The following ZNF831 variants were observed in gnomAD, a reference collection of about 807,000 sequenced individuals.
The protein encoded by ZNF831 is zinc finger protein 831.
A neutral mutation model predicts 95.8 loss-of-function variants in ZNF831; 59 were observed. The observed-to-expected ratio is 0.62, with a 90% CI of 0.50 to 0.77. The LOEUF is 0.77. Among genes scored for constraint, ZNF831 ranks in the 30% least tolerant of loss-of-function variants. The pLI, the probability that ZNF831 is intolerant of heterozygous loss-of-function variation, is 0.00. For missense variants in ZNF831, 2,205 were observed against 2,164.0 expected (o/e 1.02, Z -0.38); for synonymous variants, 961 against 925.5 (o/e 1.04, Z -0.70).
rs571344649 is a variant in ZNF831, at chr20:59,150,182, T to G, written c.-1281+3808T>G. ...TTAGGAAACACATGTTCTCTCTCTC[T>G]CCTTCCCTCCCTCTCTCCTCTCAGC... On this transcript the variant is annotated intron_variant, in intron 2 of 7. Transcript: ENST00000637017. 2.6e-5 allele frequency among the ~76,000 whole-genome samples: 4 copies of G among 152,316 alleles called. No homozygotes were observed. The South Asian group carries it at 8.3e-4, about 32-fold the overall frequency.
intron 2 of ZNF831, 59 bp downstream of exon 2, chr20:59,194,816 G>C (rs2146605293): frequency 6.7e-7 from 1 of 1,486,580 alleles, no homozygotes; most frequent in Non-Finnish European, 8.9e-7. Context: ...TATCCCGTAA[G>C]ACCTCTCATG....
chr20:59,141,797 T>C (rs1251204195), intron 1 of ZNF831, among the ~76,000 whole-genome samples: 1 of 152,278 alleles, frequency 6.6e-6, no homozygotes, highest in Non-Finnish European at 1.5e-5. Context: ...AAGTTTGCTA[T>C]GTCAGCTAGA....
chr20:59,135,191 T>C lies in ZNF831; in HGVS notation c.-1424-11040T>C, dbSNP rs1197812966. Among the ~76,000 whole-genome samples, 3 of 152,306 alleles carry C rather than the reference T, an allele frequency of 2.0e-5. No individual in the cohort carries two copies. The East Asian group carries it at 5.8e-4, about 29-fold the overall frequency. On this transcript the variant is annotated intron_variant, in intron 1 of 7. Transcript: ENST00000637017. ...GAAAATTACTACAAATTTAGCAGCT[T>C]GAAGCAACACCCATTTATTATCTCA...
chr20:59,224,048 C>G (rs1016491710), intron 4 of ZNF831, among the ~76,000 whole-genome samples: 2 of 152,190 alleles, frequency 1.3e-5, no homozygotes, highest in Non-Finnish European at 2.9e-5. Flanking sequence ...GGATGGATTA[C>G]GGGGAAACAC....
At chr20:59,173,754 G>C (rs1318353966) in intron 1 of ZNF831, among the ~76,000 whole-genome samples, 1 of 152,160 alleles carries the variant, frequency 6.6e-6, no homozygotes, top group Non-Finnish European at 1.5e-5. Context: ...ACCATTCCCA[G>C]AGACAATTCT....
At position 59,253,978 on chromosome 20, in the gene ZNF831, T is replaced by G. The variant is rs372545720; in HGVS notation, c.4269T>G (p.Ser1423=). The change falls in exon 6 of 6, where the codon TCT becomes TCG. Residue 1423 remains serine (S), a synonymous_variant. Coordinates refer to ENST00000371030, the MANE Select transcript of ZNF831 (RefSeq NM_178457.3). Reference sequence around the variant, plus strand: ...CCACATCAGGATTATCTCTGCAATCTGACACCTGCCTGGCAGTGGTTAATG... The same window carrying G: ...CCACATCAGGATTATCTCTGCAATCGGACACCTGCCTGGCAGTGGTTAATG... The part of the protein sequence containing the change: ...TAATSGLSLQ[S]DTCLAVVNDV... 1 of 1,611,206 alleles carries G rather than the reference T, an allele frequency of 6.2e-7. No individual in the cohort carries two copies. Among genetic ancestry groups the G allele is most frequent in the African/African-American group, 1.3e-5 (1 of 74,506 alleles).
In ZNF831 at chr20:59,246,912, GC is replaced by G. The variant is rs764939367; in HGVS notation, c.4028-6063del. ...TCGGAGCTGCTTCTCACTGCTCACC[GC>G]CCACTGACTTCTGATTATTTTTTGA... On this transcript the variant is annotated intron_variant, in intron 4 of 5. Transcript: ENST00000371030. 3.5e-4 allele frequency among the ~76,000 whole-genome samples: 53 copies of G among 152,126 alleles called. 2 individuals are homozygous for G. The highest frequency in any genetic ancestry group is 3.7e-4 in the Non-Finnish European group (25 of 68,020).
At chr20:59,211,019 G>A (rs1985280815) in intron 4 of ZNF831, among the ~76,000 whole-genome samples, 1 of 70,518 alleles carries the variant, frequency 1.4e-5, no homozygotes, top group African/African-American at 8.8e-5. Flanking sequence ...CGGCCTGGGC[G>A]ACAGAGCGAG....
At chr20:59,252,479 A>G (rs1987943103) in intron 4 of ZNF831, among the ~76,000 whole-genome samples, 1 of 152,158 alleles carries the variant, frequency 6.6e-6, no homozygotes, top group Admixed American at 6.5e-5. Context: ...CACAATCACA[A>G]CAATAACCAC....
chr20:59,157,360 A>G (rs1338293163), intron 2 of ZNF831, among the ~76,000 whole-genome samples: 2 of 152,194 alleles, frequency 1.3e-5, no homozygotes, highest in Non-Finnish European at 2.9e-5. Flanking sequence ...GTGCTAAGGG[A>G]AGAGGGAAAT....
intron 4 of ZNF831, among the ~76,000 whole-genome samples, chr20:59,233,658 A>T (rs1224323053): frequency 6.6e-6 from 1 of 152,242 alleles, no homozygotes; most frequent in Non-Finnish European, 1.5e-5. Context: ...GCATTCAATA[A>T]ATATGGAAGT....
chr20:59,211,672 T>A (rs1985340690), intron 4 of ZNF831, among the ~76,000 whole-genome samples: 1 of 152,034 alleles, frequency 6.6e-6, no homozygotes, highest in South Asian at 2.1e-4. Flanking sequence ...GAACCCAGAG[T>A]TGAGCCTGGC....
intron 1 of ZNF831, among the ~76,000 whole-genome samples, chr20:59,142,514 G>A (rs1000030774): frequency 6.6e-6 from 1 of 152,218 alleles, no homozygotes; most frequent in African/African-American, 2.4e-5. Context: ...AGCCGTGGAA[G>A]AGCACAAGAT....
intron 4 of ZNF831, among the ~76,000 whole-genome samples, chr20:59,247,745 A>G (rs1346440414): frequency 6.6e-6 from 1 of 152,160 alleles, no homozygotes; most frequent in Non-Finnish European, 1.5e-5. Context: ...CTTTTTTTAA[A>G]TAATAATTCA....
At chr20:59,153,933 T>A (rs545711908) in intron 2 of ZNF831, among the ~76,000 whole-genome samples, 1 of 152,264 alleles carries the variant, frequency 6.6e-6, no homozygotes, top group South Asian at 2.1e-4. Flanking sequence ...TTACAGGGCA[T>A]TGTCCTGTTC....
At chr20:59,245,297 G>T (rs1028375195) in intron 4 of ZNF831, among the ~76,000 whole-genome samples, 32 of 152,202 alleles carry the variant, frequency 2.1e-4, no homozygotes, top group Admixed American at 8.5e-4. Flanking sequence ...TTTTTCTCCT[G>T]AAAAACAAAC....
At chr20:59,150,303 A>G (rs916644876) in intron 2 of ZNF831, among the ~76,000 whole-genome samples, 3 of 152,126 alleles carry the variant, frequency 2.0e-5, no homozygotes, top group African/African-American at 4.8e-5. Flanking sequence ...CTTTGAGTTT[A>G]GGTAAAAACT....
intron 4 of ZNF831, among the ~76,000 whole-genome samples, chr20:59,216,692 T>G (rs1006754312): frequency 6.6e-6 from 1 of 151,990 alleles, no homozygotes; most frequent in African/African-American, 2.4e-5. Context: ...GACAGATGGC[T>G]AGTGTGCCAG....
intron 1 of ZNF831, among the ~76,000 whole-genome samples, chr20:59,145,901 G>A (rs1394410478): frequency 1.3e-5 from 2 of 152,198 alleles, no homozygotes; most frequent in Admixed American, 1.3e-4. Flanking sequence ...AACTGAAGAG[G>A]AGAGGTGCAA....
Sources: allele counts gnomAD v4.1 joint callset (sites outside exome capture counted in the v4.1 genomes callset), GRCh38; gene constraint gnomAD v4.1.1; transcripts MANE v1.5; gene names NCBI Gene and HGNC (gene_info 2026-07-23, HGNC 2026-07-21).